Variants in PRDM2 observed in about 807,000 individuals in gnomAD.
PRDM2 encodes the protein PR domain zinc finger protein 2.
In PRDM2, 30 loss-of-function variants were observed where a neutral mutation model predicts 130.0. That is an observed-to-expected ratio of 0.23 (90% CI 0.17 to 0.31). The LOEUF is 0.31. Among genes scored for constraint, PRDM2 ranks in the 10% least tolerant of loss-of-function variants. The pLI is 1.00. For synonymous variants in PRDM2, 871 were observed against 782.4 expected (o/e 1.11, Z -1.89); for missense variants, 2,011 against 2,108.4 (o/e 0.95, Z 0.90).
intron 2 of PRDM2, among the ~76,000 whole-genome samples, chr1:13,724,259 T>C (rs1292764922): frequency 1.3e-5 from 2 of 152,228 alleles, no homozygotes; most frequent in African/African-American, 4.8e-5. Flanking sequence ...CAGTAAGTTG[T>C]TGTGTTTATT....
intron 6 of PRDM2, among the ~76,000 whole-genome samples, chr1:13,759,076 C>G (rs1644033386): frequency 6.6e-6 from 1 of 151,728 alleles, no homozygotes; most frequent in African/African-American, 2.4e-5. Context: ...AATTAGCTGT[C>G]TGTTACCAGT....
intron 8 of PRDM2, among the ~76,000 whole-genome samples, chr1:13,794,691 C>T (rs993794280): frequency 2.6e-5 from 4 of 152,354 alleles, no homozygotes; most frequent in South Asian, 2.1e-4. Flanking sequence ...GTGCTGTCAA[C>T]GTCAGCTGCT....
Position 13,780,563 on chromosome 1 carries a change from C to T in PRDM2, c.2768C>T (p.Pro923Leu). 6.2e-7 allele frequency: 1 copy of T among 1,614,164 alleles called. No homozygotes were observed. Among genetic ancestry groups the T allele is most frequent in the South Asian group, 1.1e-5 (1 of 91,082 alleles). The change falls in exon 8 of 10, where the codon CCA becomes CTA. Residue 923 changes from proline (P) to leucine (L), a missense_variant. By Grantham distance (98) the Pro-to-Leu change is moderately conservative. Around this residue, in one of 5 missense-constraint regions of PRDM2, gnomAD observed 1,288 missense variants for 1,237.7 expected, o/e 1.04. Transcript: ENST00000311066. ...PSPCKSLEAQ[P>L]DPDLGPGSGF... ...CCTTGTAAATCCCTAGAAGCTCAGC[C>T]AGATCCTGACCTCGGTCCGGGCTCT...
intron 6 of PRDM2, among the ~76,000 whole-genome samples, chr1:13,760,407 A>G (rs920040325): frequency 4.3e-4 from 65 of 152,062 alleles, no homozygotes; most frequent in African/African-American, 1.6e-3. Context: ...TTGCTTTTGC[A>G]TTAGATGCAG....
At chr1:13,810,908 G>A (rs1223525378) in intron 8 of PRDM2, among the ~76,000 whole-genome samples, 1 of 152,070 alleles carries the variant, frequency 6.6e-6, no homozygotes, top group Non-Finnish European at 1.5e-5. Flanking sequence ...ATCTGGGCCA[G>A]GCGTGGTGGC....
intron 6 of PRDM2, among the ~76,000 whole-genome samples, chr1:13,751,449 A>G (rs1394283860): frequency 1.3e-5 from 2 of 152,048 alleles, no homozygotes; most frequent in East Asian, 1.9e-4. Flanking sequence ...TTAAGTAATG[A>G]GTCAAACCTT....
chr1:13,723,742 C>G (rs1642811717), intron 2 of PRDM2, among the ~76,000 whole-genome samples: 1 of 152,234 alleles, frequency 6.6e-6, no homozygotes, highest in Non-Finnish European at 1.5e-5. Context: ...TCATCCACTT[C>G]CATGGACTCC....
Position 13,786,520 on chromosome 1 carries a change from T to C in PRDM2, c.5036+3689T>C, listed in dbSNP as rs377571430. On this transcript the variant is annotated intron_variant, in intron 8 of 9. Coordinates refer to ENST00000311066, the MANE Select transcript of PRDM2 (RefSeq NM_001393986.1). ...TCAGTTTTCTTATTTTCTAGGAACT[T>C]CCTGTAGAAAAGCCCCCAAAACAAA... The C allele has an allele frequency of 1.1e-4, 172 of 1,610,606 alleles. 1 individual carries two copies. Among genetic ancestry groups the C allele is most frequent in the Non-Finnish European group, 1.4e-4 (167 of 1,179,430 alleles).
intron 8 of PRDM2, among the ~76,000 whole-genome samples, chr1:13,801,671 G>C (rs557321464): frequency 1.3e-5 from 2 of 152,336 alleles, no homozygotes; most frequent in East Asian, 3.9e-4. Context: ...CAAACACTTA[G>C]CACAGTGCTT....
chr1:13,741,551 G>A (rs999486527), intron 4 of PRDM2, among the ~76,000 whole-genome samples: 1 of 152,144 alleles, frequency 6.6e-6, no homozygotes, highest in East Asian at 1.9e-4. Context: ...TGCCATACTC[G>A]ATTAGCAGAG....
chr1:13,712,272 A>G (rs182695290), intron 1 of PRDM2, among the ~76,000 whole-genome samples: 3 of 152,296 alleles, frequency 2.0e-5, no homozygotes, highest in East Asian at 1.9e-4. Flanking sequence ...AAATAATGCA[A>G]TGTTTTAAGT....
At chr1:13,749,551 C>T (rs1019135791) in intron 6 of PRDM2, 64 bp downstream of exon 6, 5 of 1,083,972 alleles carry the variant, frequency 4.6e-6, no homozygotes, top group South Asian at 4.8e-5. Flanking sequence ...GCCGCCCTGC[C>T]GCCCTCGCTG....
At chr1:13,767,458 AT>A (rs1644253589) in intron 6 of PRDM2, among the ~76,000 whole-genome samples, 2 of 147,814 alleles carry the variant, frequency 1.4e-5, no homozygotes, top group South Asian at 4.4e-4. Context: ...CGCACAGCTA[AT>A]TTTTTCTATT....
rs1278633377 is a variant in PRDM2 at position 13,782,530 on chromosome 1, A to G, written c.4735A>G (p.Ile1579Val). The G allele has an allele frequency of 3.1e-6, 5 of 1,614,192 alleles. No individual in the cohort carries two copies. The highest frequency in any genetic ancestry group is 2.2e-5 in the East Asian group (1 of 44,884). Residue 1579 changes from isoleucine to valine, a missense_variant, in exon 8 of 10, where the codon ATA becomes GTA. Transcript: ENST00000311066. ...CTCCTCTTTAAGGAACTCCAGCCCG[A>G]TAAGAATGGCCAAAATAACTCATGT... Reference protein sequence around the residue: ...SSSSLRNSSPIRMAKITHVEG... With the variant: ...SSSSLRNSSPVRMAKITHVEG...
chr1:13,782,766 T>C lies in PRDM2; in HGVS notation c.4971T>C (p.Ala1657=). The C allele has an allele frequency of 6.2e-7, 1 of 1,611,664 alleles. No homozygotes were observed. Among genetic ancestry groups the C allele is most frequent in the Non-Finnish European group, 8.5e-7 (1 of 1,179,292 alleles). ...TCACCCGGAGCCTTCAGCTGGCAGCTGCTGCTGACTTGAGTGAGAACAAGA... is the reference window on the plus strand; with the variant it reads ...TCACCCGGAGCCTTCAGCTGGCAGCCGCTGCTGACTTGAGTGAGAACAAGA... ...GPVTRSLQLA[A]AADLSENKRE... is the part of the protein sequence containing the mutation. The change falls in exon 8 of 10, where the codon GCT becomes GCC. Residue 1657 remains alanine (A), a synonymous_variant. Coordinates refer to ENST00000311066, the MANE Select transcript of PRDM2 (RefSeq NM_001393986.1).
intron 6 of PRDM2, among the ~76,000 whole-genome samples, chr1:13,749,799 G>A (rs565333992): frequency 6.6e-6 from 1 of 152,180 alleles, no homozygotes; most frequent in South Asian, 2.1e-4. Context: ...GAAAGTGCGC[G>A]GACGGCGTTC....
chr1:13,753,010 C>G (rs140097153), intron 6 of PRDM2, among the ~76,000 whole-genome samples: 2 of 152,182 alleles, frequency 1.3e-5, no homozygotes, highest in South Asian at 2.1e-4. Context: ...CTGCTACTTG[C>G]GGAGGAACTA....
At position 13,823,600 on chromosome 1, in the gene PRDM2, G is replaced by A. The variant is rs780025802; in HGVS notation, c.*465G>A. ...CAGGAGGAGGCCGAGTTCCCCTTCA[G>A]TACCACCCCTCTCTCCCCACCTTCC... On this transcript the variant is annotated 3_prime_UTR_variant, in exon 10 of 10. Transcript: ENST00000311066. 2.4e-5 allele frequency: 4 copies of A among 169,492 alleles called. No homozygotes were observed. The highest frequency in any genetic ancestry group is 5.1e-5 in the Non-Finnish European group (4 of 79,204). The allele number at this position is 169,492 out of a possible 1,614,324, so 10.5% of individuals were successfully genotyped here. A position where few individuals can be genotyped will look rare whatever the true frequency, so the allele number is the denominator to read the frequency against.
chr1:13,714,311 T>G (rs912855426), intron 1 of PRDM2, among the ~76,000 whole-genome samples: 2 of 152,020 alleles, frequency 1.3e-5, no homozygotes, highest in African/African-American at 4.8e-5. Context: ...AGGAATGGAC[T>G]TCATGGTTTA....
Sources: allele counts gnomAD v4.1 joint callset (sites outside exome capture counted in the v4.1 genomes callset), GRCh38; gene constraint gnomAD v4.1.1; regional missense constraint gnomAD v4.1.1; transcripts MANE v1.5; gene names NCBI Gene and HGNC (gene_info 2026-07-23, HGNC 2026-07-21).